Variants in IL1RL1 observed in about 807,000 individuals in gnomAD.
The protein encoded by IL1RL1 is interleukin 1 receptor like 1, also known as interleukin-1 receptor-like 1.
A neutral mutation model predicts 50.9 loss-of-function variants in IL1RL1; 32 were observed. The observed-to-expected ratio is 0.63, with a 90% CI of 0.47 to 0.84. IL1RL1 has a LOEUF of 0.84. Ranked by LOEUF, IL1RL1 falls within the 40% of genes least tolerant of loss-of-function variation. The pLI, the probability that IL1RL1 is intolerant of heterozygous loss-of-function variation, is 0.00. For synonymous variants in IL1RL1, 275 were observed against 236.0 expected (o/e 1.17, Z -1.51); for missense variants, 773 against 662.9 (o/e 1.17, Z -1.82).
chr2:102,321,286 C>T (rs1245471592), intron 1 of IL1RL1, among the ~76,000 whole-genome samples: 1 of 152,168 alleles, frequency 6.6e-6, no homozygotes, highest in South Asian at 2.1e-4. Context: ...TCCTGTAGGA[C>T]ATGAATTCCA....
At chr2:102,322,333 C>T (rs1676860096) in intron 1 of IL1RL1, among the ~76,000 whole-genome samples, 1 of 152,108 alleles carries the variant, frequency 6.6e-6, no homozygotes, top group African/African-American at 2.4e-5. Context: ...GTCCCATTGC[C>T]CTTAATCTTA....
chr2:102,351,753 G>GT lies in IL1RL1; in HGVS notation c.1503_1504insT (p.His502SerfsTer19). On this transcript the variant is annotated frameshift_variant, in exon 11 of 11. Coordinates refer to ENST00000233954, the MANE Select transcript of IL1RL1 (RefSeq NM_016232.5). LOFTEE classifies it low-confidence loss of function (END_TRUNC). ...CTGAGGCGCTTCAGGACTCCCTCCA[G>GT]CATCTTATGAAAGTACAGGGGACCA... 1 of 1,614,064 alleles carries GT rather than the reference G, an allele frequency of 6.2e-7. No homozygotes were observed. Among genetic ancestry groups the GT allele is most frequent in the Non-Finnish European group, 8.5e-7 (1 of 1,179,986 alleles).
At chr2:102,341,045 C>A in intron 5 of IL1RL1, 1 of 661,932 alleles carries the variant, frequency 1.5e-6, no homozygotes, top group Middle Eastern at 5.0e-4. Context: ...ATTACTAATT[C>A]AAAGCCACAT....
At chr2:102,351,246 A>G (rs1677920637) in intron 10 of IL1RL1, among the ~76,000 whole-genome samples, 1 of 152,224 alleles carries the variant, frequency 6.6e-6, no homozygotes, top group Admixed American at 6.5e-5. Flanking sequence ...ATGCAACAAT[A>G]GACTAAATAT....
intron 1 of IL1RL1, among the ~76,000 whole-genome samples, chr2:102,331,369 G>A (rs1036950423): frequency 5.3e-5 from 8 of 152,244 alleles, no homozygotes; most frequent in African/African-American, 1.9e-4. Flanking sequence ...CAGCAATAAA[G>A]TCTGTGGAAT....
At chr2:102,351,378 G>C (rs564845440) in intron 10 of IL1RL1, among the ~76,000 whole-genome samples, 158 bp from the exon 11 acceptor site, 1 of 152,172 alleles carries the variant, frequency 6.6e-6, no homozygotes, top group Non-Finnish European at 1.5e-5. Context: ...GAACAAAACG[G>C]GTTCTCTATC....
intron 1 of IL1RL1, among the ~76,000 whole-genome samples, chr2:102,311,886 T>TA (rs1676490853): frequency 2.9e-5 from 1 of 34,482 alleles, no homozygotes. Context: ...TATAATATAA[T>TA]ATATAATATA....
intron 10 of IL1RL1, among the ~76,000 whole-genome samples, chr2:102,351,316 A>G (rs1436379938): frequency 6.6e-6 from 1 of 152,214 alleles, no homozygotes; most frequent in Non-Finnish European, 1.5e-5. Flanking sequence ...CTACCTGGGA[A>G]ATAAAAAGAG....
At chr2:102,344,711 A>G (rs1677715873) in intron 8 of IL1RL1, 1 of 936,128 alleles carries the variant, frequency 1.1e-6, no homozygotes, top group Non-Finnish European at 1.3e-6. Context: ...GAATAAATGA[A>G]TGCACAACCA....
chr2:102,344,541 G>T (rs1224362251), intron 8 of IL1RL1: 1 of 212,958 alleles, frequency 4.7e-6, no homozygotes, highest in African/African-American at 2.4e-5. Context: ...CATCCTGTTT[G>T]TATCATAGCA....
chr2:102,324,013 C>CTTTTTTTTTT (rs33934744), intron 1 of IL1RL1, among the ~76,000 whole-genome samples: 1 of 138,262 alleles, frequency 7.2e-6, no homozygotes, highest in Non-Finnish European at 1.6e-5. Context: ...ATCAGTAGTT[C>CTTTTTTTTTT]TTTTTTTTTT....
intron 1 of IL1RL1, among the ~76,000 whole-genome samples, chr2:102,328,194 G>A (rs1341342336): frequency 6.6e-6 from 1 of 152,168 alleles, no homozygotes; most frequent in Non-Finnish European, 1.5e-5. Context: ...TGCAAGGCTG[G>A]TTCAACATAC....
intron 1 of IL1RL1, among the ~76,000 whole-genome samples, chr2:102,335,029 T>G (rs992849853): frequency 1.3e-5 from 2 of 152,174 alleles, no homozygotes; most frequent in Non-Finnish European, 2.9e-5. Context: ...GAGATTAATC[T>G]GAAAAGGGAG....
At position 102,348,006 on chromosome 2, in the gene IL1RL1, T is replaced by A; in HGVS notation, c.1032T>A (p.Asn344Lys). 3 of 1,584,732 alleles carry A rather than the reference T, an allele frequency of 1.9e-6. No homozygotes were observed. Among genetic ancestry groups the A allele is most frequent in the Non-Finnish European group, 2.6e-6 (3 of 1,153,226 alleles). ...AVCSVFLMLI[N>K]VLVIILKMFW... Reference sequence around the variant, plus strand: ...GTAGTGTATTTTTAATGCTAATCAATGTCCTGGTTATCATCCTAAAAATGT... The same window carrying A: ...GTAGTGTATTTTTAATGCTAATCAAAGTCCTGGTTATCATCCTAAAAATGT... Residue 344 changes from asparagine (N) to lysine (K), a missense_variant, in exon 9 of 11, where the codon AAT (asparagine) becomes AAA (lysine). By Grantham distance (94) the Asn-to-Lys change is moderately conservative. Coordinates refer to ENST00000233954, the MANE Select transcript of IL1RL1 (RefSeq NM_016232.5).
At chr2:102,342,085 G>GTA (rs1433559974) in intron 5 of IL1RL1, 138 bp from the exon 6 acceptor site, 27 of 507,900 alleles carry the variant, frequency 5.3e-5, no homozygotes, top group African/African-American at 5.0e-4. Context: ...GTGTGTGTGT[G>GTA]TGTTTGTCAT....
intron 1 of IL1RL1, among the ~76,000 whole-genome samples, chr2:102,311,943 A>ATATG (rs1238722327): frequency 1.8e-3 from 68 of 38,322 alleles, no homozygotes; most frequent in East Asian, 4.5e-3. Context: ...TATATATAAT[A>ATATG]TTATATATAA....
In IL1RL1 at chr2:102,338,942, G is replaced by A. The variant is rs764275282; in HGVS notation, c.167G>A (p.Ser56Asn). Residue 56 changes from serine to asparagine, a missense_variant, in exon 3 of 11, where the codon AGT (serine) becomes AAT (asparagine). Physicochemically the swap from Ser to Asn is conservative, Grantham distance 46. Transcript: ENST00000233954. ...VDWYYSQTNK[S>N]IPTQERNRVF... ...TGGTATTACTCACAAACAAACAAAA[G>A]TATTCCCACTCAGGAAAGAAATCGT... 1.2e-6 allele frequency: 2 copies of A among 1,613,954 alleles called. No individual in the cohort carries two copies. The highest frequency in any genetic ancestry group is 1.7e-6 in the Non-Finnish European group (2 of 1,179,884).
intron 1 of IL1RL1, among the ~76,000 whole-genome samples, chr2:102,334,612 C>T (rs1266918995): frequency 6.6e-6 from 1 of 152,130 alleles, no homozygotes; most frequent in African/African-American, 2.4e-5. Context: ...CATCCATCCC[C>T]AGCTTATTGT....
intron 1 of IL1RL1, among the ~76,000 whole-genome samples, chr2:102,311,966 ATAATATTAT>A (rs1299844280): frequency 0.17 from 5,879 of 35,314 alleles, 793 homozygotes; most frequent in Middle Eastern, 0.48. Context: ...TATATTATAT[ATAATATTAT>A]ATATAATATA....
Sources: allele counts gnomAD v4.1 joint callset (sites outside exome capture counted in the v4.1 genomes callset), GRCh38; gene constraint gnomAD v4.1.1; transcripts MANE v1.5; gene names NCBI Gene and HGNC (gene_info 2026-07-23, HGNC 2026-07-21).